The following ACTN4 variants were observed in gnomAD, a reference collection of about 807,000 sequenced individuals.
The protein encoded by ACTN4 is alpha-actinin-4.
In ACTN4, 18 loss-of-function variants were observed where a neutral mutation model predicts 114.2. The ratio of observed to expected loss-of-function variants is 0.16; its 90% CI spans 0.11 to 0.23. The LOEUF (loss-of-function observed/expected upper bound fraction) is 0.23. Ranked by LOEUF, ACTN4 falls within the 10% of genes least tolerant of loss-of-function variation. The probability of loss-of-function intolerance (pLI) is 1.00; values close to 1 mark genes in which losing one functional copy is unlikely to be tolerated. For missense variants in ACTN4, 722 were observed against 1,262.9 expected (o/e 0.57, Z 6.49); for synonymous variants, 515 against 506.3 (o/e 1.02, Z -0.23).
At chr19:38,684,661 ATG>A (rs1181082540) in intron 1 of ACTN4, among the ~76,000 whole-genome samples, 1 of 152,120 alleles carries the variant, frequency 6.6e-6, no homozygotes, top group Admixed American at 6.5e-5. Context: ...ACCATTTTTA[ATG>A]GAGCAATTAT....
At chr19:38,666,840 C>T (rs1249243828) in intron 1 of ACTN4, among the ~76,000 whole-genome samples, 1 of 152,282 alleles carries the variant, frequency 6.6e-6, no homozygotes, top group South Asian at 2.1e-4. Context: ...GAACAAGCCC[C>T]TCGGTGCTGG....
chr19:38,648,616 G>T (rs1976460894), intron 1 of ACTN4, among the ~76,000 whole-genome samples: 1 of 151,840 alleles, frequency 6.6e-6, no homozygotes, highest in Admixed American at 6.6e-5. Context: ...GGAGGGTGGG[G>T]TGCGGAAGGA....
intron 3 of ACTN4, 89 bp from the exon 4 acceptor site, chr19:38,704,844 TG>T: frequency 8.4e-7 from 1 of 1,187,560 alleles, no homozygotes; most frequent in Non-Finnish European, 1.3e-6. Context: ...TTTCTCTAGA[TG>T]GGGCTGGAAG....
At chr19:38,649,658 A>G (rs1976499959) in intron 1 of ACTN4, among the ~76,000 whole-genome samples, 1 of 152,034 alleles carries the variant, frequency 6.6e-6, no homozygotes, top group Non-Finnish European at 1.5e-5. Flanking sequence ...GAGATTTTTC[A>G]GGAACAGGCT....
intron 1 of ACTN4, among the ~76,000 whole-genome samples, chr19:38,691,419 A>AAC (rs1555830742): frequency 6.7e-6 from 1 of 150,010 alleles, no homozygotes; most frequent in Non-Finnish European, 1.5e-5. Flanking sequence ...AAAAAACAAA[A>AAC]AAAACAAAAA....
intron 1 of ACTN4, among the ~76,000 whole-genome samples, chr19:38,667,706 C>CA (rs77347323): frequency 0.43 from 55,195 of 129,232 alleles, 11,357 homozygotes; most frequent in Non-Finnish European, 0.51. Context: ...TTTCTTCCAC[C>CA]AAAAAAAAAA....
At chr19:38,697,365 A>G (rs1416183142) in intron 1 of ACTN4, among the ~76,000 whole-genome samples, 1 of 152,258 alleles carries the variant, frequency 6.6e-6, no homozygotes, top group African/African-American at 2.4e-5. Context: ...GTGCGTGTGT[A>G]CATGCACACA....
chr19:38,710,734 G>A (rs1469845461), intron 8 of ACTN4: 2 of 343,772 alleles, frequency 5.8e-6, no homozygotes, highest in Admixed American at 4.0e-5. Context: ...GGTGAAGTGA[G>A]CAGGTACTTG....
chr19:38,728,941 G>GCTGCCC (rs1329263062), intron 19 of ACTN4, 55 bp from the exon 20 acceptor site: 2 of 1,607,798 alleles, frequency 1.2e-6, no homozygotes, highest in African/African-American at 2.7e-5. Flanking sequence ...TGTGGGCCTG[G>GCTGCCC]CTGCCCCTGC....
chr19:38,673,042 A>G (rs1967183212), intron 1 of ACTN4, among the ~76,000 whole-genome samples: 1 of 149,904 alleles, frequency 6.7e-6, no homozygotes, highest in Admixed American at 6.7e-5. Flanking sequence ...TCCTGGGTTC[A>G]AGCGATTCTT....
Position 38,717,907 on chromosome 19 carries a change from C to G in ACTN4, c.1144-20C>G. On this transcript the variant is annotated intron_variant, in intron 10 of 20. Coordinates refer to ENST00000252699, the MANE Select transcript of ACTN4 (RefSeq NM_004924.6). This position sits in a 1 kb window ranked among gnomAD's most constrained non-coding sequence, Gnocchi z 4.0. ...CTCCACTTCCTTGTGATAGCCCTGC[C>G]TGCTCCTGCCCTGCCCCAGGACATC... is the stretch of plus-strand genomic sequence containing the variant. The G allele has an allele frequency of 6.3e-7, 1 of 1,576,212 alleles. No individual in the cohort carries two copies. The highest frequency in any genetic ancestry group is 1.3e-5 in the African/African-American group (1 of 74,330).
At position 38,717,832 on chromosome 19, in the gene ACTN4, A is replaced by G; in HGVS notation, c.1144-95A>G. 1 of 1,515,766 alleles carries G rather than the reference A, an allele frequency of 6.6e-7. No homozygotes were observed. Among genetic ancestry groups the G allele is most frequent in the African/African-American group, 1.4e-5 (1 of 72,424 alleles). The allele number at this position is 1,515,766 out of a possible 1,614,324, so 93.9% of individuals were successfully genotyped here. On this transcript the variant is annotated intron_variant, in intron 10 of 20. Transcript: ENST00000252699. This position sits in a 1 kb window ranked among gnomAD's most constrained non-coding sequence, Gnocchi z 4.0. Reference sequence around the variant, plus strand: ...CATGACACAGACATGACCCCAGCCAAGTTCTGCCACCTTCCCATCAGCATC... The same window carrying G: ...CATGACACAGACATGACCCCAGCCAGGTTCTGCCACCTTCCCATCAGCATC...
At chr19:38,709,505 CTG>C (rs1968570740) in intron 7 of ACTN4, 29 bp downstream of exon 7, 1 of 1,590,834 alleles carries the variant, frequency 6.3e-7, no homozygotes. Flanking sequence ...TCAGCCACCA[CTG>C]TGCTTCCTGA....
intron 1 of ACTN4, among the ~76,000 whole-genome samples, chr19:38,692,449 G>A (rs904777376): frequency 6.6e-6 from 1 of 152,220 alleles, no homozygotes; most frequent in Non-Finnish European, 1.5e-5. Flanking sequence ...TTCAGAATCT[G>A]GTGGCAGTGG....
chr19:38,665,346 T>C (rs1966923826), intron 1 of ACTN4, among the ~76,000 whole-genome samples: 1 of 152,206 alleles, frequency 6.6e-6, no homozygotes, highest in Non-Finnish European at 1.5e-5. Context: ...GGCATCATCC[T>C]ATCCTCAGTT....
At chr19:38,711,670 G>C (rs140020150) in intron 8 of ACTN4, among the ~76,000 whole-genome samples, 226 of 152,358 alleles carry the variant, frequency 1.5e-3, no homozygotes, top group African/African-American at 5.2e-3. Flanking sequence ...CAATGGCAGA[G>C]CTGGGATTTG....
At chr19:38,675,500 T>C (rs1967344656) in intron 1 of ACTN4, among the ~76,000 whole-genome samples, 1 of 152,212 alleles carries the variant, frequency 6.6e-6, no homozygotes, top group Non-Finnish European at 1.5e-5. Context: ...TCCCAAAGTG[T>C]TAGGATTACA....
At chr19:38,655,596 C>T (rs1288515975) in intron 1 of ACTN4, among the ~76,000 whole-genome samples, 4 of 152,124 alleles carry the variant, frequency 2.6e-5, no homozygotes, top group Admixed American at 1.3e-4. Flanking sequence ...CTCTGTGTGT[C>T]ATCCGGCCAT....
intron 1 of ACTN4, among the ~76,000 whole-genome samples, chr19:38,696,739 G>A (rs1044503666): frequency 6.6e-6 from 1 of 152,114 alleles, no homozygotes; most frequent in South Asian, 2.1e-4. Context: ...CAAGACATGG[G>A]GTGAGAACAG....
Sources: allele counts gnomAD v4.1 joint callset (sites outside exome capture counted in the v4.1 genomes callset), GRCh38; gene constraint gnomAD v4.1.1; non-coding constraint Gnocchi (gnomAD v3.1); transcripts MANE v1.5; gene names NCBI Gene and HGNC (gene_info 2026-07-23, HGNC 2026-07-21).